The following CABLES1 variants were observed in gnomAD, a reference collection of about 807,000 sequenced individuals.
The protein encoded by CABLES1 is CDK5 and ABL1 enzyme substrate 1.
A neutral mutation model predicts 57.8 loss-of-function variants in CABLES1; 36 were observed. The ratio of observed to expected loss-of-function variants is 0.62; its 90% CI spans 0.48 to 0.82. CABLES1 has a LOEUF of 0.82. Among genes scored for constraint, CABLES1 ranks in the 40% least tolerant of loss-of-function variants. The pLI, the probability that CABLES1 is intolerant of heterozygous loss-of-function variation, is 0.00. For missense variants in CABLES1, 767 were observed against 836.6 expected (o/e 0.92, Z 1.03); for synonymous variants, 374 against 363.0 (o/e 1.03, Z -0.35).
At chr18:23,161,503 A>G (rs1271038770) in intron 1 of CABLES1, among the ~76,000 whole-genome samples, 1 of 150,888 alleles carries the variant, frequency 6.6e-6, no homozygotes, top group African/African-American at 2.4e-5. Flanking sequence ...TCTTGAACAC[A>G]TACTGTGTGA....
chr18:23,148,710 T>C (rs1484464415), intron 1 of CABLES1, among the ~76,000 whole-genome samples: 1 of 152,072 alleles, frequency 6.6e-6, no homozygotes, highest in African/African-American at 2.4e-5. Context: ...CCCTTGAAAC[T>C]GGGCCTTCAG....
rs55658236 is a variant in CABLES1 at position 23,210,159 on chromosome 18, A to AT, written c.1011-3810dup. Among the ~76,000 whole-genome samples, 6 of 151,932 alleles carry AT rather than the reference A, an allele frequency of 3.9e-5. No homozygotes were observed. In the East Asian group the frequency reaches 5.8e-4, roughly 15 times the overall value. On this transcript the variant is annotated intron_variant, in intron 3 of 9. Transcript: ENST00000256925. ...GCCCCAGGGAATGTTTTCCTTTGCT[A>AT]TTTTTTTTCCTCTGGCCGATGTTCA... is the stretch of plus-strand genomic sequence containing the variant.
intron 1 of CABLES1, among the ~76,000 whole-genome samples, chr18:23,143,135 C>T (rs532689174): frequency 3.3e-5 from 5 of 152,256 alleles, no homozygotes; most frequent in African/African-American, 1.2e-4. Flanking sequence ...CAAGGGTTCC[C>T]GATCACTTGT....
chr18:23,182,199 A>G (rs1179693617), intron 1 of CABLES1, among the ~76,000 whole-genome samples: 1 of 152,198 alleles, frequency 6.6e-6, no homozygotes, highest in Non-Finnish European at 1.5e-5. Flanking sequence ...TAATGTGCAT[A>G]TATTATACAT....
At chr18:23,186,662 T>C (rs964544161) in intron 1 of CABLES1, among the ~76,000 whole-genome samples, 1 of 152,158 alleles carries the variant, frequency 6.6e-6, no homozygotes, top group Non-Finnish European at 1.5e-5. Flanking sequence ...TCTCAGGTGA[T>C]CCACCCACCT....
chr18:23,155,786 G>C (rs2046961429), intron 1 of CABLES1: 1 of 1,539,684 alleles, frequency 6.5e-7, no homozygotes, highest in African/African-American at 1.4e-5. Context: ...TTCATTTTGA[G>C]TCTTAGGTTT....
intron 1 of CABLES1, among the ~76,000 whole-genome samples, chr18:23,143,447 A>C (rs1165802957): frequency 6.6e-6 from 1 of 152,200 alleles, no homozygotes; most frequent in East Asian, 1.9e-4. Context: ...GTGAAATGGG[A>C]ATGATACTAC....
At chr18:23,203,486 TAA>T (rs2047341048) in intron 3 of CABLES1, among the ~76,000 whole-genome samples, 1 of 150,516 alleles carries the variant, frequency 6.6e-6, no homozygotes, top group African/African-American at 2.4e-5. Context: ...AGAAACACGT[TAA>T]AAGACTTCAG....
chr18:23,253,885 A>G lies in CABLES1; in HGVS notation c.1710A>G (p.Ala570=). The G allele has an allele frequency of 1.2e-6, 2 of 1,614,224 alleles. No individual in the cohort carries two copies. Among genetic ancestry groups the G allele is most frequent in the Non-Finnish European group, 1.7e-6 (2 of 1,180,044 alleles). ...KLCAGACVLL[A]AKIGSDLKKH... ...GTGCTGGGGCATGTGTGCTGTTAGC[A>G]GCCAAAATTGGAAGTGACCTCAAAA... is the stretch of plus-strand genomic sequence containing the variant. The change falls in exon 9 of 10, where the codon GCA becomes GCG. Residue 570 remains alanine, a synonymous_variant. Transcript: ENST00000256925.
chr18:23,177,742 C>A (rs1390055865), intron 1 of CABLES1, among the ~76,000 whole-genome samples: 5 of 152,146 alleles, frequency 3.3e-5, no homozygotes, highest in Admixed American at 3.3e-4. Flanking sequence ...CTGCCTGCTC[C>A]CTCTGTTAGA....
At chr18:23,221,486 T>C (rs2047486786) in intron 4 of CABLES1, among the ~76,000 whole-genome samples, 1 of 152,164 alleles carries the variant, frequency 6.6e-6, no homozygotes, top group East Asian at 1.9e-4. Flanking sequence ...GGTTGGGGTG[T>C]GGGGCTGTGG....
At chr18:23,227,173 A>G (rs989686120) in intron 4 of CABLES1, among the ~76,000 whole-genome samples, 3 of 152,154 alleles carry the variant, frequency 2.0e-5, no homozygotes, top group Non-Finnish European at 4.4e-5. Flanking sequence ...TTTGCGACAC[A>G]GAGAACAGCG....
rs1002963762 is a variant in CABLES1, at chr18:23,257,592, T to C, written c.*225T>C. The stretch of plus-strand genomic sequence containing the variant: ...CTCAAGCACGGGAAGAGGAGGTGTG[T>C]GCTGAGAACAGAGAGGCCCTGCCCT... On this transcript the variant is annotated 3_prime_UTR_variant, in exon 10 of 10. Transcript: ENST00000256925. The C allele has an allele frequency of 8.5e-6, 4 of 471,368 alleles. No homozygotes were observed. Among genetic ancestry groups the C allele is most frequent in the Non-Finnish European group, 1.5e-5 (4 of 273,530 alleles). 29.2% of individuals were successfully genotyped at this position (471,368 alleles called of 1,614,324 possible). A position where few individuals can be genotyped will look rare whatever the true frequency, so the allele number is the denominator to read the frequency against.
At chr18:23,195,476 C>T (rs2047275478) in intron 3 of CABLES1, among the ~76,000 whole-genome samples, 1 of 152,216 alleles carries the variant, frequency 6.6e-6, no homozygotes. Context: ...CATTAAGGCC[C>T]AGCATGACTG....
intron 3 of CABLES1, among the ~76,000 whole-genome samples, chr18:23,206,901 C>G (rs1243796588): frequency 2.0e-5 from 3 of 151,226 alleles, no homozygotes; most frequent in Admixed American, 1.3e-4. Flanking sequence ...GCCTTGAACT[C>G]CTGGGCTCAA....
intron 3 of CABLES1, among the ~76,000 whole-genome samples, chr18:23,210,934 A>G (rs2047400228): frequency 1.3e-5 from 2 of 152,274 alleles, no homozygotes; most frequent in South Asian, 2.1e-4. Flanking sequence ...CTGGCCAACC[A>G]GGGAAGTAGC....
chr18:23,236,058 T>G lies in CABLES1; in HGVS notation c.1342+7T>G. The G allele has an allele frequency of 6.2e-7, 1 of 1,613,620 alleles. No individual in the cohort carries two copies. Among genetic ancestry groups the G allele is most frequent in the Non-Finnish European group, 8.5e-7 (1 of 1,179,884 alleles). On this transcript the variant is annotated splice_region_variant and intron_variant, in intron 6 of 9. Coordinates refer to ENST00000256925, the MANE Select transcript of CABLES1 (RefSeq NM_001100619.3). ...CAGGGGAGCCTCGACACAGGTAACC[T>G]TGGCCTGGCTGGGTCTGGTAGCTCG...
chr18:23,145,163 C>G (rs1477024674), intron 1 of CABLES1, among the ~76,000 whole-genome samples: 1 of 152,134 alleles, frequency 6.6e-6, no homozygotes, highest in Non-Finnish European at 1.5e-5. Flanking sequence ...TCTCAAACTC[C>G]TGAACTCAGA....
At chr18:23,211,774 G>A (rs568701721) in intron 3 of CABLES1, among the ~76,000 whole-genome samples, 1 of 152,242 alleles carries the variant, frequency 6.6e-6, no homozygotes, top group Non-Finnish European at 1.5e-5. Context: ...AAAGCATTTA[G>A]AATTTGGCAC....
Sources: gnomAD v4.1 joint callset for allele counts (sites outside exome capture counted in the v4.1 genomes callset) on GRCh38, gnomAD v4.1.1 for gene constraint, MANE v1.5 for transcripts, NCBI Gene and HGNC (gene_info 2026-07-23, HGNC 2026-07-21) for gene names.